Variants in MAPK8IP3 observed in about 807,000 individuals in gnomAD.
MAPK8IP3 encodes mitogen-activated protein kinase 8 interacting protein 3.
MAPK8IP3 carries 49 observed loss-of-function variants against 157.8 expected under a neutral mutation model. The ratio of observed to expected loss-of-function variants is 0.31; its 90% CI spans 0.25 to 0.39. The LOEUF is 0.39. Ranked by LOEUF, MAPK8IP3 falls within the 10% of genes least tolerant of loss-of-function variation. The pLI is 1.00. For missense variants in MAPK8IP3, 1,478 were observed against 1,889.4 expected (o/e 0.78, Z 4.04); for synonymous variants, 897 against 777.7 (o/e 1.15, Z -2.55).
At chr16:1,747,719 G>A (rs2041051490) in intron 6 of MAPK8IP3, among the ~76,000 whole-genome samples, 1 of 151,810 alleles carries the variant, frequency 6.6e-6, no homozygotes, top group Non-Finnish European at 1.5e-5. Context: ...CCACTAACCA[G>A]TAACCTGCAT....
intron 13 of MAPK8IP3, among the ~76,000 whole-genome samples, chr16:1,761,756 T>C (rs959733126): frequency 6.7e-6 from 1 of 149,346 alleles, no homozygotes; most frequent in African/African-American, 2.5e-5. Flanking sequence ...GTGACCACTG[T>C]TCATACGCAT....
rs1265669586 is a variant in MAPK8IP3, at chr16:1,768,273, A to G, written c.3637A>G (p.Ser1213Gly). The G allele has an allele frequency of 6.2e-7, 1 of 1,611,808 alleles. No homozygotes were observed. The highest frequency in any genetic ancestry group is 8.5e-7 in the Non-Finnish European group (1 of 1,179,982). The change falls in exon 30 of 32, where the codon AGT becomes GGT. Residue 1213 changes from serine (S) to glycine (G), a missense_variant. By Grantham distance (56) the Ser-to-Gly change is moderately conservative. Transcript: ENST00000610761. The part of the protein sequence containing the change: ...GIIHVYGDDS[S>G]DRAASSFIPY... ...CATCCACGTGTATGGCGATGACAGCAGTGACAGGGCGGCCAGCAGCTTCAT... is the reference window on the plus strand; with the variant it reads ...CATCCACGTGTATGGCGATGACAGCGGTGACAGGGCGGCCAGCAGCTTCAT...
At chr16:1,754,948 C>T (rs967279861) in intron 8 of MAPK8IP3, among the ~76,000 whole-genome samples, 7 of 152,206 alleles carry the variant, frequency 4.6e-5, no homozygotes, top group African/African-American at 1.7e-4. Flanking sequence ...CCACCGTTCC[C>T]ACAGGAATCC....
intron 1 of MAPK8IP3, among the ~76,000 whole-genome samples, chr16:1,722,125 A>G (rs895652703): frequency 2.6e-5 from 4 of 152,226 alleles, no homozygotes; most frequent in Non-Finnish European, 5.9e-5. Context: ...TGTTCTTCAT[A>G]TGCTAGTTAG....
Position 1,767,194 on chromosome 16 carries a change from A to G in MAPK8IP3, c.3134A>G (p.His1045Arg), listed in dbSNP as rs764081258. 6.2e-7 allele frequency: 1 copy of G among 1,613,216 alleles called. No individual in the cohort carries two copies. Residue 1045 changes from histidine to arginine, a missense_variant, in exon 26 of 32, where the codon CAC (histidine) becomes CGC (arginine). This residue lies in a region of MAPK8IP3 where 669 missense variants were observed against 759.8 expected (regional missense o/e 0.88). Transcript: ENST00000610761. Reference sequence around the variant, plus strand: ...AACTATCACCTAATGGACCTGGGCCACCCGCACCACTCCATCCGCTGCATG... The same window carrying G: ...AACTATCACCTAATGGACCTGGGCCGCCCGCACCACTCCATCCGCTGCATG... ...LSNYHLMDLG[H>R]PHHSIRCMAV...
At chr16:1,740,306 G>A (rs903390575) in intron 4 of MAPK8IP3, among the ~76,000 whole-genome samples, 3 of 149,352 alleles carry the variant, frequency 2.0e-5, no homozygotes, top group Admixed American at 1.3e-4. Flanking sequence ...GTGAGCATCC[G>A]TGTGATCATC....
At chr16:1,757,621 C>A (rs1246812090) in intron 8 of MAPK8IP3, among the ~76,000 whole-genome samples, 1 of 152,212 alleles carries the variant, frequency 6.6e-6, no homozygotes, top group Non-Finnish European at 1.5e-5. Context: ...CTGCCCTCCA[C>A]AGTGGGGCCC....
At position 1,706,320 on chromosome 16, in the gene MAPK8IP3, T is replaced by TGGC. The variant is rs747543303; in HGVS notation, c.-11_-9dup. Reference sequence around the variant, plus strand: ...GCGCCGGCCGGATAGCGAGCCGCGCTGGCGGCGGCGGTGGCCGCGATGATG... The same window carrying TGGC: ...GCGCCGGCCGGATAGCGAGCCGCGCTGGCGGCGGCGGCGGTGGCCGCGATGATG... On this transcript the variant is annotated 5_prime_UTR_variant, in exon 1 of 32. Coordinates refer to ENST00000610761, the MANE Select transcript of MAPK8IP3 (RefSeq NM_001318852.2). The surrounding 1 kb of genome is among the most constrained non-coding windows in gnomAD (Gnocchi z 5.1). The TGGC allele has an allele frequency of 6.5e-7, 1 of 1,535,138 alleles. No individual in the cohort carries two copies. The highest frequency in any genetic ancestry group is 8.8e-7 in the Non-Finnish European group (1 of 1,140,808).
rs368643427 is a variant in MAPK8IP3, at chr16:1,765,147, C to T, written c.2415C>T (p.Asn805=). The T allele has an allele frequency of 5.5e-5, 88 of 1,608,262 alleles. No homozygotes were observed. In the African/African-American group the frequency reaches 9.5e-4, roughly 17 times the overall value. ...TGGTGGACCAGTTCACCGTCTGCAACGCGCACGTGCTGTGCATCTCCAGCA... is the reference window on the plus strand; with the variant it reads ...TGGTGGACCAGTTCACCGTCTGCAATGCGCACGTGCTGTGCATCTCCAGCA... ...GTVVDQFTVC[N]AHVLCISSIP... Residue 805 remains asparagine, a synonymous_variant, in exon 20 of 32, where the codon AAC becomes AAT. Transcript: ENST00000610761.
intron 20 of MAPK8IP3, 126 bp from the exon 21 acceptor site, chr16:1,765,833 TG>T: frequency 1.2e-6 from 1 of 853,712 alleles, no homozygotes; most frequent in Non-Finnish European, 1.8e-6. Context: ...GGAGCATGTG[TG>T]GAAGCTGGGT....
chr16:1,738,850 CGT>C (rs141065521), intron 4 of MAPK8IP3, among the ~76,000 whole-genome samples: 2,371 of 92,236 alleles, frequency 0.026, no homozygotes, highest in East Asian at 0.05. Context: ...TCCGTGTGAG[CGT>C]GTGAGCGTCC....
chr16:1,761,326 T>G, intron 13 of MAPK8IP3, 21 bp downstream of exon 13: 1 of 1,605,358 alleles, frequency 6.2e-7, no homozygotes, highest in Non-Finnish European at 8.5e-7. Context: ...TCTTCACTCT[T>G]CACATGCGGG....
chr16:1,757,336 C>A lies in MAPK8IP3; in HGVS notation c.1217-812C>A, dbSNP rs532877220. Among the ~76,000 whole-genome samples the A allele has an allele frequency of 1.1e-3, 171 of 152,282 alleles. 3 individuals are homozygous for A. Among genetic ancestry groups the A allele is most frequent in the Admixed American group, 3.9e-4 (6 of 15,300 alleles). ...AGCCAGGATGGTCTCAATCTCCTGA[C>A]CTTGTGATCCGCCCGCCTCGGCCTC... On this transcript the variant is annotated intron_variant, in intron 8 of 31. Transcript: ENST00000610761.
chr16:1,711,032 G>A (rs914163681), intron 1 of MAPK8IP3, among the ~76,000 whole-genome samples: 3 of 152,240 alleles, frequency 2.0e-5, no homozygotes, highest in Admixed American at 6.5e-5. Context: ...GCTCCGCTGC[G>A]GGAGCCCCCG....
rs975263094 is a variant in MAPK8IP3, at chr16:1,715,980, G to T, written c.319-8577G>T. Among the ~76,000 whole-genome samples the T allele has an allele frequency of 2.0e-5, 3 of 152,072 alleles. No homozygotes were observed. The South Asian group carries it at 6.2e-4, about 32-fold the overall frequency. ...GACCTCACGTGATCTGCCCACCTCA[G>T]CCTCCCAAAGTGCTGGGATTTCAGG... On this transcript the variant is annotated intron_variant, in intron 1 of 31. Transcript: ENST00000610761.
In MAPK8IP3 at chr16:1,706,683, C is replaced by A; in HGVS notation, c.318+26C>A. On this transcript the variant is annotated intron_variant, in intron 1 of 31. Coordinates refer to ENST00000610761, the MANE Select transcript of MAPK8IP3 (RefSeq NM_001318852.2). This position sits in a 1 kb window ranked among gnomAD's most constrained non-coding sequence, Gnocchi z 5.1. Reference sequence around the variant, plus strand: ...GTGCGTGGGCCGCGGGACCCGCCCGCATCCCCGTCCCGGACCCCCAGCCAG... The same window carrying A: ...GTGCGTGGGCCGCGGGACCCGCCCGAATCCCCGTCCCGGACCCCCAGCCAG... The A allele has an allele frequency of 6.6e-7, 1 of 1,513,496 alleles. No homozygotes were observed. Among genetic ancestry groups the A allele is most frequent in the South Asian group, 1.2e-5 (1 of 81,224 alleles). 93.8% of individuals were successfully genotyped at this position (1,513,496 alleles called of 1,614,324 possible).
rs566096469 is a variant in MAPK8IP3 at position 1,768,240 on chromosome 16, G to T, written c.3604G>T (p.Gly1202Trp). 6.2e-7 allele frequency: 1 copy of T among 1,612,216 alleles called. No homozygotes were observed. The highest frequency in any genetic ancestry group is 8.5e-7 in the Non-Finnish European group (1 of 1,179,946). ...SPTSGEGARPGGIIHVYGDDS... is the reference protein window; with the variant it reads ...SPTSGEGARPWGIIHVYGDDS... Reference sequence around the variant, plus strand: ...CACCTCTGGGGAGGGCGCCCGTCCCGGGGGCATCATCCACGTGTATGGCGA... The same window carrying T: ...CACCTCTGGGGAGGGCGCCCGTCCCTGGGGCATCATCCACGTGTATGGCGA... Residue 1202 changes from glycine (G) to tryptophan (W), a missense_variant, in exon 30 of 32, where the codon GGG becomes TGG. By Grantham distance (184) the Gly-to-Trp change is radical. Transcript: ENST00000610761.
chr16:1,722,964 G>A (rs1028512330), intron 1 of MAPK8IP3, among the ~76,000 whole-genome samples: 7 of 152,074 alleles, frequency 4.6e-5, no homozygotes, highest in Admixed American at 6.5e-5. Flanking sequence ...GCCTCCCAAA[G>A]TGCTGAGATT....
At chr16:1,749,046 G>A (rs1596713147) in intron 8 of MAPK8IP3, 1 of 403,464 alleles carries the variant, frequency 2.5e-6, no homozygotes, top group East Asian at 6.1e-5. Flanking sequence ...GTTATGCTGT[G>A]TCGTTTAGGG....
Sources: allele counts gnomAD v4.1 joint callset (sites outside exome capture counted in the v4.1 genomes callset), GRCh38; gene constraint gnomAD v4.1.1; regional missense constraint gnomAD v4.1.1; non-coding constraint Gnocchi (gnomAD v3.1); transcripts MANE v1.5; gene names NCBI Gene and HGNC (gene_info 2026-07-23, HGNC 2026-07-21).